Variants in PIK3C2B observed in about 807,000 individuals in gnomAD.
The protein encoded by PIK3C2B is phosphatidylinositol-4-phosphate 3-kinase catalytic subunit type 2 beta.
Under a neutral mutation model 184.3 loss-of-function variants are expected in PIK3C2B, and 83 were observed. That is an observed-to-expected ratio of 0.45 (90% CI 0.38 to 0.54). The LOEUF (loss-of-function observed/expected upper bound fraction) is 0.54, where lower values mean the gene tolerates loss of function less well. Among genes scored for constraint, PIK3C2B ranks in the 20% least tolerant of loss-of-function variants. The probability of loss-of-function intolerance (pLI) is 0.00; values close to 1 mark genes in which losing one functional copy is unlikely to be tolerated. For synonymous variants in PIK3C2B, 779 were observed against 837.6 expected, an observed-to-expected ratio of 0.93 and a Z score of 1.21; for missense variants, 1,736 against 2,113.5, an observed-to-expected ratio of 0.82 and a Z score of 3.50.
At position 204,423,885 on chromosome 1, in the gene PIK3C2B, C is replaced by T. The variant is rs147867799; in HGVS notation, c.*967G>A. On this transcript the variant is annotated 3_prime_UTR_variant, in exon 33 of 33. Transcript: ENST00000684373. ...GCCAAGATGCTCTTGGGTGAAACTACATCTAAGGACTGAGTCAGTATTTTG... is the reference window on the plus strand; with the variant it reads ...GCCAAGATGCTCTTGGGTGAAACTATATCTAAGGACTGAGTCAGTATTTTG... 4 of 152,616 alleles carry T rather than the reference C, an allele frequency of 2.6e-5. No homozygotes were observed. The highest frequency in any genetic ancestry group is 9.6e-5 in the African/African-American group (4 of 41,486). The allele number at this position is 152,616 out of a possible 1,614,324, so 9.5% of individuals were successfully genotyped here.
Position 204,441,485 on chromosome 1 carries a change from G to T in PIK3C2B, c.3235C>A (p.Arg1079Ser). The T allele has an allele frequency of 6.2e-7, 1 of 1,609,272 alleles. No homozygotes were observed. Among genetic ancestry groups the T allele is most frequent in the Non-Finnish European group, 8.5e-7 (1 of 1,175,654 alleles). The part of the protein sequence containing the change: ...QNVDPLGENI[R>S]VIFKCGDDLR... The stretch of plus-strand genomic sequence containing the variant: ...AGTATTCTCACCTTGAAGATGACAC[G>T]GATGTTCTCACCCAGGGGATCCACA... Residue 1079 changes from arginine (R) to serine (S), a missense_variant, in exon 21 of 33, where the codon CGT becomes AGT. Arg to Ser is a moderately radical substitution (Grantham distance 110). This residue lies in a region of PIK3C2B where 289 missense variants were observed against 380.4 expected (regional missense o/e 0.76). Transcript: ENST00000684373.
Position 204,424,948 on chromosome 1 carries a change from G to A in PIK3C2B, c.4809C>T (p.Leu1603=). 1.2e-6 allele frequency: 2 copies of A among 1,614,224 alleles called. No homozygotes were observed. The highest frequency in any genetic ancestry group is 8.5e-7 in the Non-Finnish European group (1 of 1,180,018). The change falls in exon 33 of 33, where the codon CTC becomes CTT. Residue 1603 remains leucine, a synonymous_variant. Transcript: ENST00000684373. ...GCAGGCGGATGTTCACCTCACCGAG[G>A]AGGACGTTCTCCCAGAATCCCTGCT... The part of the protein sequence containing the change: ...LSEQGFWENV[L]LGEVNIRLRE...
chr1:204,452,651 C>T (rs1572336970), intron 12 of PIK3C2B, among the ~76,000 whole-genome samples: 2 of 92,370 alleles, frequency 2.2e-5, no homozygotes, highest in Non-Finnish European at 3.9e-5. Flanking sequence ...ACCCCATGTC[C>T]TTTTTTTTTT....
At chr1:204,481,532 C>G (rs1243381528) in intron 1 of PIK3C2B, among the ~76,000 whole-genome samples, 1 of 152,164 alleles carries the variant, frequency 6.6e-6, no homozygotes, top group African/African-American at 2.4e-5. Context: ...GCTGGGATTA[C>G]AGGCATGAGC....
chr1:204,453,245 A>G (rs57367068), intron 12 of PIK3C2B, among the ~76,000 whole-genome samples: 24,031 of 152,182 alleles, frequency 0.16, 2,319 homozygotes, highest in East Asian at 0.4. Context: ...ACTGACTGGA[A>G]GGAAGGTAGA....
intron 4 of PIK3C2B, 94 bp downstream of exon 4, chr1:204,464,355 TG>T: frequency 7.6e-7 from 1 of 1,317,358 alleles, no homozygotes; most frequent in Non-Finnish European, 1.1e-6. Context: ...GCCCTTCATC[TG>T]GGCCACAAGA....
Position 204,445,964 on chromosome 1 carries a change from C to G in PIK3C2B, c.2670G>C (p.Leu890=). 1 of 1,527,174 alleles carries G rather than the reference C, an allele frequency of 6.5e-7. No individual in the cohort carries two copies. Among genetic ancestry groups the G allele is most frequent in the South Asian group, 1.2e-5 (1 of 80,348 alleles). The allele number at this position is 1,527,174 out of a possible 1,614,324, so 94.6% of individuals were successfully genotyped here. ...HMNHQDALGL[L]HATFPDQEVR... is the part of the protein sequence containing the mutation. ...CAGATGTTACAACTCACGTGGCATG[C>G]AGGAGCCCCAGGGCATCCTGGTGGT... Residue 890 remains leucine (L), a synonymous_variant, in exon 16 of 33, where the codon CTG becomes CTC. Coordinates refer to ENST00000684373, the MANE Select transcript of PIK3C2B (RefSeq NM_001377334.1).
chr1:204,447,422 G>C lies in PIK3C2B; in HGVS notation c.2489+14C>G. On this transcript the variant is annotated intron_variant, in intron 15 of 32. Coordinates refer to ENST00000684373, the MANE Select transcript of PIK3C2B (RefSeq NM_001377334.1). This position sits in a 1 kb window ranked among gnomAD's most constrained non-coding sequence, Gnocchi z 4.1. The stretch of plus-strand genomic sequence containing the variant: ...GATGAAACATGACAGATTCAGTGGG[G>C]GCCCGGGTCTCACCAGTACAAGGAC... 1 of 1,610,262 alleles carries C rather than the reference G, an allele frequency of 6.2e-7. No individual in the cohort carries two copies. Among genetic ancestry groups the C allele is most frequent in the Admixed American group, 1.7e-5 (1 of 59,886 alleles).
At chr1:204,446,183 A>G (rs758417561) in intron 15 of PIK3C2B, 39 bp from the exon 16 acceptor site, 1 of 1,455,568 alleles carries the variant, frequency 6.9e-7, no homozygotes, top group Non-Finnish European at 9.3e-7. Flanking sequence ...GTGGGAGGGT[A>G]GGGGGCAGTG....
intron 27 of PIK3C2B, 124 bp downstream of exon 27, chr1:204,432,076 C>T: frequency 1.1e-6 from 1 of 886,068 alleles, no homozygotes; most frequent in South Asian, 1.5e-5. Flanking sequence ...TCCAGGACTG[C>T]TCCCAGCACA....
At chr1:204,443,238 C>T (rs1010697787) in intron 19 of PIK3C2B, among the ~76,000 whole-genome samples, 179 bp downstream of exon 19, 28 of 152,368 alleles carry the variant, frequency 1.8e-4, no homozygotes, top group African/African-American at 6.5e-4. Context: ...CAAAACACAT[C>T]CACGGGCTGT....
At position 204,459,944 on chromosome 1, in the gene PIK3C2B, G is replaced by C; in HGVS notation, c.1503-3C>G. 2 of 1,613,390 alleles carry C rather than the reference G, an allele frequency of 1.2e-6. No homozygotes were observed. The highest frequency in any genetic ancestry group is 1.7e-6 in the Non-Finnish European group (2 of 1,179,710). On this transcript the variant is annotated splice_polypyrimidine_tract_variant and splice_region_variant and intron_variant, in intron 7 of 32. Transcript: ENST00000684373. The stretch of plus-strand genomic sequence containing the variant: ...CGAACAGAAGACTCAGGGCCTGCCT[G>C]GGAGTTGGGGGCAGGGAAAAACCAC...
intron 2 of PIK3C2B, 122 bp downstream of exon 2, chr1:204,468,748 G>C (rs1656026467): frequency 1.2e-6 from 1 of 864,662 alleles, no homozygotes; most frequent in East Asian, 2.7e-5. Context: ...GTCCCAAAGA[G>C]GGTAGGAGAG....
chr1:204,433,320 T>C lies in PIK3C2B; in HGVS notation c.3949A>G (p.Thr1317Ala). 1 of 1,533,732 alleles carries C rather than the reference T, an allele frequency of 6.5e-7. No homozygotes were observed. Among genetic ancestry groups the C allele is most frequent in the East Asian group, 2.3e-5 (1 of 44,424 alleles). ...DTEANATTYF[T>A]RLIESSLGSV... ...TCGCTCAGGGAATCATTTTACCTAGTGAAGTAGGTAGTGGCATTGGCCTCT... is the reference window on the plus strand; with the variant it reads ...TCGCTCAGGGAATCATTTTACCTAGCGAAGTAGGTAGTGGCATTGGCCTCT... The change falls in exon 26 of 33, where the codon ACT becomes GCT. Residue 1317 changes from threonine (T) to alanine (A), a missense_variant. Physicochemically the swap from Thr to Ala is moderately conservative, Grantham distance 58 (BLOSUM62 0). Around this residue, in one of 8 missense-constraint regions of PIK3C2B, gnomAD observed 119 missense variants for 179.3 expected, o/e 0.66. Coordinates refer to ENST00000684373, the MANE Select transcript of PIK3C2B (RefSeq NM_001377334.1). This position sits in a 1 kb window ranked among gnomAD's most constrained non-coding sequence, Gnocchi z 5.0.
rs772183508 is a variant in PIK3C2B at position 204,454,801 on chromosome 1, A to C, written c.1944-10T>G. The C allele has an allele frequency of 6.2e-7, 1 of 1,608,864 alleles. No homozygotes were observed. The highest frequency in any genetic ancestry group is 8.5e-7 in the Non-Finnish European group (1 of 1,179,664). ...GTAGAAATCTTCATAGCTATAAAAGAAAGGGAGCAGGTCAGGACACCCAGC... is the reference window on the plus strand; with the variant it reads ...GTAGAAATCTTCATAGCTATAAAAGCAAGGGAGCAGGTCAGGACACCCAGC... On this transcript the variant is annotated splice_polypyrimidine_tract_variant and intron_variant, in intron 11 of 32. Transcript: ENST00000684373.
intron 1 of PIK3C2B, among the ~76,000 whole-genome samples, chr1:204,487,853 G>C (rs771380466): frequency 1.3e-5 from 2 of 152,040 alleles, no homozygotes; most frequent in Non-Finnish European, 2.9e-5. Context: ...CTGCATTTTG[G>C]GTGGGAGGGG....
Position 204,432,398 on chromosome 1 carries a change from C to A in PIK3C2B, c.3957G>T (p.Leu1319Phe). The A allele has an allele frequency of 6.2e-7, 1 of 1,613,916 alleles. No homozygotes were observed. Among genetic ancestry groups the A allele is most frequent in the South Asian group, 1.1e-5 (1 of 91,066 alleles). The change falls in exon 27 of 33, where the codon TTG (leucine) becomes TTT (phenylalanine). Residue 1319 changes from leucine to phenylalanine, a missense_variant. This residue lies in a region of PIK3C2B where 119 missense variants were observed against 179.3 expected (regional missense o/e 0.66). Coordinates refer to ENST00000684373, the MANE Select transcript of PIK3C2B (RefSeq NM_001377334.1). ...EANATTYFTRLIESSLGSVAT... is the reference protein window; with the variant it reads ...EANATTYFTRFIESSLGSVAT... ...CTACACTGCCCAGGCTGGACTCAAT[C>A]AACCTGGCAGGAGGATAAGAAAAGA...
chr1:204,424,618 A>G lies in PIK3C2B; in HGVS notation c.*234T>C, dbSNP rs1443746642. 1.4e-6 allele frequency: 1 copy of G among 704,692 alleles called. No individual in the cohort carries two copies. The highest frequency in any genetic ancestry group is 2.6e-6 in the Non-Finnish European group (1 of 384,318). 43.7% of individuals were successfully genotyped at this position (704,692 alleles called of 1,614,324 possible). ...AAACTTAAAACTTTGCTGCAACCTC[A>G]CAGCCTCCAAGGGGCTGCTCATCAC... On this transcript the variant is annotated 3_prime_UTR_variant, in exon 33 of 33. Transcript: ENST00000684373.
chr1:204,458,342 C>T (rs1326610417), intron 8 of PIK3C2B, among the ~76,000 whole-genome samples: 3 of 152,138 alleles, frequency 2.0e-5, no homozygotes, highest in African/African-American at 7.2e-5. Flanking sequence ...AATTCTACCT[C>T]CTGCATAAAG....
Sources: allele counts gnomAD v4.1 joint callset (sites outside exome capture counted in the v4.1 genomes callset), GRCh38; gene constraint gnomAD v4.1.1; regional missense constraint gnomAD v4.1.1; non-coding constraint Gnocchi (gnomAD v3.1); transcripts MANE v1.5; gene names NCBI Gene and HGNC (gene_info 2026-07-23, HGNC 2026-07-21).